The following ZNFX1 variants were observed in gnomAD, a reference collection of about 807,000 sequenced individuals.
ZNFX1 encodes zinc finger NFX1-type containing 1.
ZNFX1 carries 78 observed loss-of-function variants against 179.8 expected under a neutral mutation model. That is an observed-to-expected ratio of 0.43 (90% CI 0.36 to 0.52). The LOEUF (loss-of-function observed/expected upper bound fraction) is 0.52, where lower values mean the gene tolerates loss of function less well. Ranked by LOEUF, ZNFX1 falls within the 20% of genes least tolerant of loss-of-function variation. The pLI is 0.00. For synonymous variants in ZNFX1, 848 were observed against 868.5 expected, an observed-to-expected ratio of 0.98 and a Z score of 0.42; for missense variants, 1,927 against 2,386.6, an observed-to-expected ratio of 0.81 and a Z score of 4.01.
At chr20:49,272,784 G>T (rs928972322) in intron 2 of ZNFX1, among the ~76,000 whole-genome samples, 5 of 152,186 alleles carry the variant, frequency 3.3e-5, no homozygotes, top group African/African-American at 1.2e-4. Flanking sequence ...GACTATGAAA[G>T]AAACTGAAAA....
chr20:49,249,647 T>C lies in ZNFX1; in HGVS notation c.3377A>G (p.Lys1126Arg). Residue 1126 changes from lysine (K) to arginine (R), a missense_variant, in exon 14 of 14, where the codon AAA (lysine) becomes AGA (arginine). Physicochemically the swap from Lys to Arg is conservative, Grantham distance 26. Transcript: ENST00000396105. ...AGCCTCATGCTGGTTCTGATGGCTTTTGCCCTCTTGGATTTCCTGTTCAGG... is the reference window on the plus strand; with the variant it reads ...AGCCTCATGCTGGTTCTGATGGCTTCTGCCCTCTTGGATTTCCTGTTCAGG... ...NFPEQEIQEGKSHQNQHEAHF... is the reference protein window; with the variant it reads ...NFPEQEIQEGRSHQNQHEAHF... 1.9e-6 allele frequency: 3 copies of C among 1,614,188 alleles called. No individual in the cohort carries two copies. The highest frequency in any genetic ancestry group is 2.5e-6 in the Non-Finnish European group (3 of 1,180,018).
chr20:49,252,651 C>A (rs1026922148), intron 12 of ZNFX1, 69 bp downstream of exon 12: 1 of 1,108,360 alleles, frequency 9.0e-7, no homozygotes, highest in Non-Finnish European at 1.4e-6. Flanking sequence ...ACCTCTTTTG[C>A]TGGCAACTGG....
Position 49,248,971 on chromosome 20 carries a change from G to A in ZNFX1, c.4053C>T (p.Thr1351=). The change falls in exon 14 of 14, where the codon ACC becomes ACT. Residue 1351 remains threonine, a synonymous_variant. Coordinates refer to ENST00000396105, the MANE Select transcript of ZNFX1 (RefSeq NM_021035.3). This position sits in a 1 kb window ranked among gnomAD's most constrained non-coding sequence, Gnocchi z 4.6. The part of the protein sequence containing the change: ...CQPCQVKVPK[T]IPRCGHEQMV... Reference sequence around the variant, plus strand: ...TTTGTTCATGGCCGCACCGAGGAATGGTTTTGGGCACCTTCACCTGACAAG... The same window carrying A: ...TTTGTTCATGGCCGCACCGAGGAATAGTTTTGGGCACCTTCACCTGACAAG... 1 of 1,614,146 alleles carries A rather than the reference G, an allele frequency of 6.2e-7. No individual in the cohort carries two copies.
intron 5 of ZNFX1, among the ~76,000 whole-genome samples, chr20:49,263,990 G>A (rs501182): frequency 0.67 from 101,231 of 151,508 alleles, 34,728 homozygotes; most frequent in Non-Finnish European, 0.76. Context: ...TTGGGAGGCC[G>A]AGGCGGGTGG....
In ZNFX1 at chr20:49,249,485, C is replaced by G. The variant is rs774274005; in HGVS notation, c.3539G>C (p.Arg1180Thr). 6.2e-7 allele frequency: 1 copy of G among 1,614,246 alleles called. No individual in the cohort carries two copies. Among genetic ancestry groups the G allele is most frequent in the Non-Finnish European group, 8.5e-7 (1 of 1,180,050 alleles). ...LMPAKTFAGVRVHVVDKYQGE... is the reference protein window; with the variant it reads ...LMPAKTFAGVTVHVVDKYQGE... The stretch of plus-strand genomic sequence containing the variant: ...TTGGTATTTGTCCACAACATGGACC[C>G]TGACGCCAGCAAATGTCTTGGCAGG... The change falls in exon 14 of 14, where the codon AGG (arginine) becomes ACG (threonine). Residue 1180 changes from arginine (R) to threonine (T), a missense_variant. By Grantham distance (71) the Arg-to-Thr change is moderately conservative (BLOSUM62 -1). Transcript: ENST00000396105.
At chr20:49,273,567 T>C (rs1981478703) in intron 2 of ZNFX1, among the ~76,000 whole-genome samples, 1 of 152,234 alleles carries the variant, frequency 6.6e-6, no homozygotes, top group Non-Finnish European at 1.5e-5. Flanking sequence ...AGTACTACTT[T>C]TAATATTTTT....
intron 7 of ZNFX1, among the ~76,000 whole-genome samples, chr20:49,259,202 G>T (rs888527432): frequency 6.6e-6 from 1 of 151,464 alleles, no homozygotes; most frequent in Admixed American, 6.6e-5. Flanking sequence ...ACAATGGAGG[G>T]CATACAATGT....
rs775772875 is a variant in ZNFX1, at chr20:49,271,603, A to C, written c.209T>G (p.Phe70Cys). The C allele has an allele frequency of 6.2e-7, 1 of 1,613,768 alleles. No individual in the cohort carries two copies. The highest frequency in any genetic ancestry group is 1.1e-5 in the South Asian group (1 of 91,064). ...PAAYWQREER[F>C]RAMGRNPHQG... The stretch of plus-strand genomic sequence containing the variant: ...ATGTGGGTTCCTGCCCATGGCCCTA[A>C]ATCTCTCTTCCCTCTGCCAGTAAGC... Residue 70 changes from phenylalanine (F) to cysteine (C), a missense_variant, in exon 3 of 14, where the codon TTT becomes TGT. Coordinates refer to ENST00000396105, the MANE Select transcript of ZNFX1 (RefSeq NM_021035.3).
In ZNFX1 at chr20:49,254,529, A is replaced by C; in HGVS notation, c.2925T>G (p.Leu975=). The change falls in exon 10 of 14, where the codon CTT becomes CTG. Residue 975 remains leucine, a synonymous_variant. Transcript: ENST00000396105. ...ELRLQEDLHI[L]KDAQVVGMTT... ...TCATTCCTACAACCTGGGCATCTTT[A>C]AGAATGTGCAGGTCTTCCTGGAGTC... The C allele has an allele frequency of 5.0e-6, 8 of 1,614,196 alleles. No individual in the cohort carries two copies. The highest frequency in any genetic ancestry group is 6.8e-6 in the Non-Finnish European group (8 of 1,180,020).
At chr20:49,257,083 T>C (rs990878797) in intron 8 of ZNFX1, among the ~76,000 whole-genome samples, 2 of 152,188 alleles carry the variant, frequency 1.3e-5, no homozygotes, top group African/African-American at 4.8e-5. Flanking sequence ...ACAAACTCAT[T>C]TGAAATAGAG....
intron 13 of ZNFX1, 69 bp from the exon 14 acceptor site, chr20:49,249,780 A>G: frequency 6.6e-7 from 1 of 1,523,690 alleles, no homozygotes; most frequent in South Asian, 1.3e-5. Context: ...TCCTCTCTTG[A>G]CATGCACTGG....
chr20:49,262,436 A>G (rs1234312008), intron 6 of ZNFX1, among the ~76,000 whole-genome samples: 1 of 151,972 alleles, frequency 6.6e-6, no homozygotes, highest in East Asian at 1.9e-4. Context: ...AAAAAAAAAA[A>G]AGAATTAAAA....
Position 49,275,799 on chromosome 20 carries a change from T to C in ZNFX1, c.41A>G (p.Asn14Ser). Residue 14 changes from asparagine (N) to serine (S), a missense_variant, in exon 2 of 14, where the codon AAT becomes AGT. Transcript: ENST00000396105. ...CTTACCTCTGTGGTTGGTATGGGAA[T>C]TCCTGGGCCTGGCATCCAGATGAGG... ...RRPHLDARPR[N>S]SHTNHRGPVD... is the part of the protein sequence containing the mutation. The C allele has an allele frequency of 6.2e-7, 1 of 1,614,200 alleles. No individual in the cohort carries two copies. The highest frequency in any genetic ancestry group is 1.3e-5 in the African/African-American group (1 of 75,050).
chr20:49,251,571 C>T lies in ZNFX1; in HGVS notation c.3268G>A (p.Asp1090Asn), dbSNP rs1171787902. 1 of 1,612,530 alleles carries T rather than the reference C, an allele frequency of 6.2e-7. No individual in the cohort carries two copies. Among genetic ancestry groups the T allele is most frequent in the South Asian group, 1.1e-5 (1 of 90,716 alleles). Residue 1090 changes from aspartate (D) to asparagine (N), a missense_variant, in exon 13 of 14, where the codon GAT (aspartate) becomes AAT (asparagine). Transcript: ENST00000396105. Reference sequence around the variant, plus strand: ...AGAACAGATGGATGATTCTCCAGATCCTGGTAAATGTGGGGGGTCAAAAGG... The same window carrying T: ...AGAACAGATGGATGATTCTCCAGATTCTGGTAAATGTGGGGGGTCAAAAGG... ...ARLLTPHIYQ[D>N]LENHPSVLKY...
chr20:49,259,433 CT>C (rs917171218), intron 7 of ZNFX1, among the ~76,000 whole-genome samples: 95 of 141,862 alleles, frequency 6.7e-4, no homozygotes, highest in Admixed American at 9.9e-4. Flanking sequence ...CATAACTTGC[CT>C]TTTTTTTTTT....
At position 49,248,434 on chromosome 20, in the gene ZNFX1, G is replaced by A. The variant is rs769865739; in HGVS notation, c.4590C>T (p.Pro1530=). The A allele has an allele frequency of 2.5e-6, 4 of 1,608,720 alleles. No individual in the cohort carries two copies. The East Asian group carries it at 8.9e-5, about 36-fold the overall frequency. ...HYQCTKLCSE[P]CNRPPCYVPC... ...GCACATAGCATGGGGGTCGGTTGCA[G>A]GGCTCAGAGCAGAGTTTGGTGCACT... Residue 1530 remains proline (P), a synonymous_variant, in exon 14 of 14, where the codon CCC becomes CCT. Transcript: ENST00000396105. This position sits in a 1 kb window ranked among gnomAD's most constrained non-coding sequence, Gnocchi z 4.6.
At chr20:49,265,716 TA>T (rs1981218524) in intron 4 of ZNFX1, among the ~76,000 whole-genome samples, 1 of 152,040 alleles carries the variant, frequency 6.6e-6, no homozygotes, top group South Asian at 2.1e-4. Flanking sequence ...AAATAGATTA[TA>T]AAAAAATAAA....
chr20:49,271,638 G>T lies in ZNFX1; in HGVS notation c.174C>A (p.Asn58Lys), dbSNP rs1284219194. 1.2e-6 allele frequency: 2 copies of T among 1,613,866 alleles called. No homozygotes were observed. The highest frequency in any genetic ancestry group is 1.3e-5 in the African/African-American group (1 of 74,846). The change falls in exon 3 of 14, where the codon AAC becomes AAA. Residue 58 changes from asparagine to lysine, a missense_variant. Asn to Lys is a moderately conservative substitution (Grantham distance 94). Coordinates refer to ENST00000396105, the MANE Select transcript of ZNFX1 (RefSeq NM_021035.3). ...CCCTCTGCCAGTAAGCAGCAGGATG[G>T]TTGTTGGCCCTAGGATGCCTTCCAG... is the stretch of plus-strand genomic sequence containing the variant. ...SHPGRHPRAN[N>K]HPAAYWQREE...
Position 49,248,089 on chromosome 20 carries a change from G to T in ZNFX1, c.4935C>A (p.Ile1645=). The stretch of plus-strand genomic sequence containing the variant: ...CTGAGCCCTGGATCTTTTCCTTGAT[G>T]ATTTCAATCTCTTCTAGCCGCTGTT... ...SIKQRLEEIE[I]IKEKIQGSAG... is the part of the protein sequence containing the mutation. The change falls in exon 14 of 14, where the codon ATC becomes ATA. Residue 1645 remains isoleucine, a synonymous_variant. Coordinates refer to ENST00000396105, the MANE Select transcript of ZNFX1 (RefSeq NM_021035.3). This position sits in a 1 kb window ranked among gnomAD's most constrained non-coding sequence, Gnocchi z 4.6. The T allele has an allele frequency of 6.2e-7, 1 of 1,614,170 alleles. No homozygotes were observed. Among genetic ancestry groups the T allele is most frequent in the Non-Finnish European group, 8.5e-7 (1 of 1,180,038 alleles).
Sources: gnomAD v4.1 joint callset for allele counts (sites outside exome capture counted in the v4.1 genomes callset) on GRCh38, gnomAD v4.1.1 for gene constraint, Gnocchi (gnomAD v3.1) non-coding constraint, MANE v1.5 for transcripts, NCBI Gene and HGNC (gene_info 2026-07-23, HGNC 2026-07-21) for gene names.